Variants in LITAF observed in about 807,000 individuals in gnomAD.
LITAF encodes lipopolysaccharide-induced tumor necrosis factor-alpha factor.
A neutral mutation model predicts 14.5 loss-of-function variants in LITAF; 9 were observed. The ratio of observed to expected loss-of-function variants is 0.62; its 90% confidence interval spans 0.37 to 1.08. The LOEUF is 1.08. Ranked by LOEUF, LITAF falls within the 50% of genes least tolerant of loss-of-function variation. The pLI, the probability that LITAF is intolerant of heterozygous loss-of-function variation, is 0.01. For synonymous variants in LITAF, 98 were observed against 88.2 expected, an observed-to-expected ratio of 1.11 and a Z score of -0.62; for missense variants, 206 against 213.4, an observed-to-expected ratio of 0.97 and a Z score of 0.22.
chr16:11,638,425 G>A (rs983883779), upstream of LITAF, among the ~76,000 whole-genome samples: 2 of 152,062 alleles, frequency 1.3e-5, no homozygotes, highest in African/African-American at 4.8e-5. Context: ...CATTGGAGCT[G>A]GGTATGGTGG....
chr16:11,582,804 A>G (rs774046870), intron 1 of LITAF, among the ~76,000 whole-genome samples: 19 of 152,236 alleles, frequency 1.2e-4, no homozygotes, highest in Non-Finnish European at 2.4e-4. Context: ...ATGGGAGCAC[A>G]GTGGATCCTG....
At chr16:11,602,109 C>T (rs78492717), upstream of LITAF, among the ~76,000 whole-genome samples, 3,658 of 152,306 alleles carry the variant, frequency 0.024, 166 homozygotes, top group African/African-American at 0.083. Flanking sequence ...CCTGTCATCT[C>T]AGAACTTTTG....
intron 1 of LITAF, among the ~76,000 whole-genome samples, chr16:11,574,491 T>C (rs1164334904): frequency 3.3e-5 from 5 of 152,200 alleles, no homozygotes; most frequent in Middle Eastern, 3.2e-3. Flanking sequence ...TGGTCTTTTG[T>C]ATGTTAAGCC....
chr16:11,637,334 C>T (rs896268442), upstream of LITAF, among the ~76,000 whole-genome samples: 10 of 152,214 alleles, frequency 6.6e-5, no homozygotes, highest in African/African-American at 2.4e-4. Flanking sequence ...GGGAATGGAG[C>T]CACAGTAGAG....
upstream of LITAF, among the ~76,000 whole-genome samples, chr16:11,600,929 T>C (rs1036404290): frequency 3.3e-5 from 5 of 152,042 alleles, no homozygotes; most frequent in Admixed American, 6.6e-5. This position sits in a 1 kb window ranked among gnomAD's most constrained non-coding sequence, Gnocchi z 4.1. Flanking sequence ...ATACAAGCTA[T>C]AATACAGGCA....
intron 1 of LITAF, among the ~76,000 whole-genome samples, chr16:11,560,257 A>C (rs2064340738): frequency 6.6e-6 from 1 of 152,118 alleles, no homozygotes; most frequent in Admixed American, 6.6e-5. Flanking sequence ...AGATTGCGCC[A>C]TTGCACTCTA....
At chr16:11,599,131 G>T (rs1372163775), upstream of LITAF, among the ~76,000 whole-genome samples, 1 of 141,516 alleles carries the variant, frequency 7.1e-6, no homozygotes, top group Non-Finnish European at 1.5e-5. Flanking sequence ...TTTATGGGGG[G>T]GTGGGGGGAC....
chr16:11,627,254 A>T lies in LITAF; in HGVS notation c.85+6279T>A, dbSNP rs2065089598. ...CCCTTGCTGGAGCTCCTTGAATAAG[A>T]CGAATTCTTTACAAGGCTGGTGAGA... is the stretch of plus-strand genomic sequence containing the variant. On this transcript the variant is annotated intron_variant, in intron 3 of 3. Transcript: ENST00000574848. 2.0e-5 allele frequency among the ~76,000 whole-genome samples: 3 copies of T among 152,190 alleles called. No individual in the cohort carries two copies. In the South Asian group the frequency reaches 6.2e-4, roughly 31 times the overall value.
At chr16:11,576,424 G>A (rs8053177) in intron 1 of LITAF, among the ~76,000 whole-genome samples, 1,721 of 151,352 alleles carry the variant, frequency 0.011, 36 homozygotes, top group African/African-American at 0.04. Flanking sequence ...AGCTGAGATC[G>A]CACCACTGCA....
intron 1 of LITAF, among the ~76,000 whole-genome samples, chr16:11,557,295 G>C (rs901240939): frequency 6.6e-6 from 1 of 151,576 alleles, no homozygotes; most frequent in East Asian, 1.9e-4. Context: ...AGAGGAAGAA[G>C]AATCTGGAAA....
At chr16:11,576,973 A>G (rs899005561) in intron 1 of LITAF, among the ~76,000 whole-genome samples, 1 of 152,208 alleles carries the variant, frequency 6.6e-6, no homozygotes, top group African/African-American at 2.4e-5. Context: ...TAATGTGGGA[A>G]CAGGGTGGTG....
intron 3 of LITAF, among the ~76,000 whole-genome samples, chr16:11,611,985 G>A (rs2064985365): frequency 6.6e-6 from 1 of 152,128 alleles, no homozygotes; most frequent in South Asian, 2.1e-4. Flanking sequence ...GACTGTTGTG[G>A]GGTCCCACAG....
At chr16:11,601,401 G>A (rs1193045267), upstream of LITAF, among the ~76,000 whole-genome samples, 9 of 152,268 alleles carry the variant, frequency 5.9e-5, no homozygotes, top group African/African-American at 9.6e-5. Flanking sequence ...CCAGAGGGAA[G>A]GGGGCTCTCC....
At chr16:11,619,682 T>C (rs2065038838) in intron 3 of LITAF, among the ~76,000 whole-genome samples, 1 of 151,958 alleles carries the variant, frequency 6.6e-6, no homozygotes, top group Admixed American at 6.6e-5. Flanking sequence ...CCATCCTGCC[T>C]CAGCTTCCTG....
At chr16:11,604,992 G>T (rs2064947735) in intron 3 of LITAF, among the ~76,000 whole-genome samples, 1 of 152,200 alleles carries the variant, frequency 6.6e-6, no homozygotes, top group South Asian at 2.1e-4. Flanking sequence ...GTGTCGGGAA[G>T]TTGGAGCAAT....
chr16:11,638,024 C>CTATATATCTATATATATCTATA (rs1472158394), upstream of LITAF, among the ~76,000 whole-genome samples: 15 of 72,160 alleles, frequency 2.1e-4, 2 homozygotes, highest in East Asian at 3.5e-4. Context: ...CTATATATAT[C>CTATATATCTATATATATCTATA]TATATATCTA....
Position 11,621,760 on chromosome 16 carries a change from C to A in LITAF, c.85+11773G>T, listed in dbSNP as rs552238671. Among the ~76,000 whole-genome samples, 4 of 152,034 alleles carry A rather than the reference C, an allele frequency of 2.6e-5. No individual in the cohort carries two copies. The South Asian group carries it at 8.3e-4, about 32-fold the overall frequency. On this transcript the variant is annotated intron_variant, in intron 3 of 3. Transcript: ENST00000574848. ...GTAGTGTGTGTTGATTCTTTCCCTG[C>A]CCCGACTCTCTTCCCAACTGCTTGT...
At chr16:11,568,718 T>C (rs1162180099) in intron 1 of LITAF, among the ~76,000 whole-genome samples, 18 of 149,700 alleles carry the variant, frequency 1.2e-4, no homozygotes, top group Non-Finnish European at 1.8e-4. Context: ...CTCATTCTGT[T>C]GCCCAGGCTG....
chr16:11,549,584 G>A lies in LITAF; in HGVS notation c.*53C>T, dbSNP rs768543861. On this transcript the variant is annotated 3_prime_UTR_variant, in exon 4 of 4. Transcript: ENST00000622633. This position sits in a 1 kb window ranked among gnomAD's most constrained non-coding sequence, Gnocchi z 4.6. Reference sequence around the variant, plus strand: ...CTCCACCAGGCGTGAAGCTGGATGAGAGGTGGAAAGGACTTCCTGCGGCAC... The same window carrying A: ...CTCCACCAGGCGTGAAGCTGGATGAAAGGTGGAAAGGACTTCCTGCGGCAC... 1 of 1,340,632 alleles carries A rather than the reference G, an allele frequency of 7.5e-7. No homozygotes were observed. Among genetic ancestry groups the A allele is most frequent in the African/African-American group, 1.4e-5 (1 of 69,454 alleles). The allele number at this position is 1,340,632 out of a possible 1,614,324, so 83.0% of individuals were successfully genotyped here.
Sources: gnomAD v4.1 joint callset for allele counts (sites outside exome capture counted in the v4.1 genomes callset) on GRCh38, gnomAD v4.1.1 for gene constraint, Gnocchi (gnomAD v3.1) non-coding constraint, MANE v1.5 for transcripts, NCBI Gene and HGNC (gene_info 2026-07-23, HGNC 2026-07-21) for gene names.